Variants in MBP observed in about 807,000 individuals in gnomAD.
The protein encoded by MBP is myelin basic protein.
MBP carries 16 observed loss-of-function variants against 35.8 expected under a neutral mutation model. The ratio of observed to expected loss-of-function variants is 0.45; its 90% CI spans 0.30 to 0.68. MBP has a LOEUF of 0.68. Among genes scored for constraint, MBP ranks in the 30% least tolerant of loss-of-function variants. The pLI, the probability that MBP is intolerant of heterozygous loss-of-function variation, is 0.08. For missense variants in MBP, 380 were observed against 404.7 expected (o/e 0.94, Z 0.52); for synonymous variants, 143 against 159.6 (o/e 0.90, Z 0.78).
At chr18:77,110,063 A>C (rs1049316064) in intron 1 of MBP, 1 of 152,232 alleles carries the variant, frequency 6.6e-6, no homozygotes, top group Non-Finnish European at 1.5e-5. Flanking sequence ...AGATAATTAC[A>C]GGAATAACCC....
intron 4 of MBP, chr18:77,014,502 C>G: frequency 1.0e-6 from 1 of 985,442 alleles, no homozygotes. Context: ...CACACCTCTT[C>G]GGCCTATCCC....
chr18:77,010,045 G>A, intron 4 of MBP: 1 of 699,730 alleles, frequency 1.4e-6, no homozygotes, highest in Admixed American at 2.2e-5. Flanking sequence ...GTGAGGAGGA[G>A]TGAGCGGGGG....
In MBP at chr18:76,979,880, C is replaced by T; in HGVS notation, c.*547G>A. 4.3e-6 allele frequency: 3 copies of T among 690,292 alleles called. No homozygotes were observed. Among genetic ancestry groups the T allele is most frequent in the Non-Finnish European group, 7.9e-6 (3 of 379,826 alleles). 42.8% of individuals were successfully genotyped at this position (690,292 alleles called of 1,614,324 possible). On this transcript the variant is annotated 3_prime_UTR_variant, in exon 9 of 9. Coordinates refer to ENST00000355994, the MANE Select transcript of MBP (RefSeq NM_001025101.2). ...CCCGCATGTCACATACCAAAAGCTC[C>T]CACATGTAGTAAGCCACTCCTTGAC...
chr18:77,024,547 T>C (rs1972121174), intron 3 of MBP, among the ~76,000 whole-genome samples: 1 of 152,274 alleles, frequency 6.6e-6, no homozygotes, highest in South Asian at 2.1e-4. Flanking sequence ...TTTGGATGTG[T>C]TGCTCAGATG....
rs1375969 is a variant in MBP at position 77,131,083 on chromosome 18, G to A, written c.-26+1497C>T. Among the ~76,000 whole-genome samples, 8,444 of 43,232 alleles carry A rather than the reference G, an allele frequency of 0.2. 348 individuals are homozygous for A. Among genetic ancestry groups the A allele is most frequent in the East Asian group, 0.43 (777 of 1,788 alleles). The allele number at this position is 43,232 out of a possible 152,430, so 28.4% of individuals were successfully genotyped here. ...AAAACACACACACGCGCGCACGCAC[G>A]CGCACACACACACACACACACACAC... is the stretch of plus-strand genomic sequence containing the variant. On this transcript the variant is annotated intron_variant, in intron 1 of 8. Coordinates refer to ENST00000355994, the MANE Select transcript of MBP (RefSeq NM_001025101.2). This position sits in a 1 kb window ranked among gnomAD's most constrained non-coding sequence, Gnocchi z 5.5.
intron 4 of MBP, chr18:77,003,271 A>G (rs1383389552): frequency 6.6e-6 from 1 of 152,094 alleles, no homozygotes; most frequent in East Asian, 1.9e-4. Flanking sequence ...CAACCAACCA[A>G]CATATCTCCT....
At chr18:77,018,103 A>C (rs1034684462) in intron 3 of MBP, among the ~76,000 whole-genome samples, 1 of 152,124 alleles carries the variant, frequency 6.6e-6, no homozygotes, top group Admixed American at 6.6e-5. Context: ...TCATCCATCT[A>C]TCTCTCTATC....
intron 4 of MBP, chr18:77,012,914 C>T: frequency 1.0e-6 from 1 of 985,428 alleles, no homozygotes; most frequent in Non-Finnish European, 1.2e-6. Flanking sequence ...AATACATTCC[C>T]ATGATTTACA....
rs1281191402 is a variant in MBP, at chr18:77,091,211, C to A, written c.51+14000G>T. On this transcript the variant is annotated intron_variant, in intron 2 of 8. Coordinates refer to ENST00000355994, the MANE Select transcript of MBP (RefSeq NM_001025101.2). ...TAACAATGATCTACACTGCACTTAT[C>A]CTAAATCACTGTGGATAATTAGTAT... Among the ~76,000 whole-genome samples, 6 of 152,286 alleles carry A rather than the reference C, an allele frequency of 3.9e-5. No individual in the cohort carries two copies. The East Asian group carries it at 1.2e-3, about 29-fold the overall frequency.
chr18:76,989,610 G>C lies in MBP; in HGVS notation c.681+346C>G. The C allele has an allele frequency of 3.4e-6, 1 of 295,240 alleles. No individual in the cohort carries two copies. 18.3% of individuals were successfully genotyped at this position (295,240 alleles called of 1,614,324 possible). A position where few individuals can be genotyped will look rare whatever the true frequency, so the allele number is the denominator to read the frequency against. ...GAAAAATGCCCTAAAAATGCCCTGT[G>C]CTCTCTCTGCTGCCCCCTCCGCTCC... On this transcript the variant is annotated intron_variant, in intron 5 of 8. Transcript: ENST00000355994. This position sits in a 1 kb window ranked among gnomAD's most constrained non-coding sequence, Gnocchi z 4.0.
chr18:77,027,264 G>C (rs557501235), intron 3 of MBP, among the ~76,000 whole-genome samples: 1 of 152,242 alleles, frequency 6.6e-6, no homozygotes, highest in East Asian at 1.9e-4. Context: ...TCAGTAGAAT[G>C]GGAAGAGCCT....
intron 3 of MBP, among the ~76,000 whole-genome samples, chr18:77,041,115 A>G (rs1245485024): frequency 6.6e-6 from 1 of 152,244 alleles, no homozygotes; most frequent in Non-Finnish European, 1.5e-5. Flanking sequence ...AAAATGGGCA[A>G]AGGATATGAA....
intron 3 of MBP, among the ~76,000 whole-genome samples, chr18:77,022,287 G>A (rs1006940311): frequency 4.6e-5 from 7 of 152,170 alleles, no homozygotes; most frequent in Non-Finnish European, 8.8e-5. Flanking sequence ...AAGGGATTGC[G>A]TACGGCTGCC....
At chr18:77,009,812 C>A in intron 4 of MBP, 1 of 1,526,546 alleles carries the variant, frequency 6.6e-7, no homozygotes, top group Non-Finnish European at 8.8e-7. Flanking sequence ...GCAGGTCACC[C>A]CTGGCCCCGA....
chr18:77,107,617 T>A (rs1185371622), intron 1 of MBP, among the ~76,000 whole-genome samples: 2 of 152,182 alleles, frequency 1.3e-5, no homozygotes, highest in African/African-American at 4.8e-5. Flanking sequence ...GTCCACAAGG[T>A]GCTGAACTGC....
chr18:77,133,049 C>A (rs916761946), upstream of MBP, among the ~76,000 whole-genome samples: 2 of 152,100 alleles, frequency 1.3e-5, no homozygotes, highest in African/African-American at 2.4e-5. Context: ...CTCCGAACTG[C>A]GGCCCGTCGA....
intron 3 of MBP, among the ~76,000 whole-genome samples, chr18:77,030,859 C>A (rs989865164): frequency 9.9e-5 from 15 of 152,082 alleles, no homozygotes; most frequent in Non-Finnish European, 2.2e-4. Flanking sequence ...TGTAACTGAC[C>A]CTGTTTCAGA....
At chr18:77,042,675 A>C (rs1973065832) in intron 3 of MBP, among the ~76,000 whole-genome samples, 1 of 152,190 alleles carries the variant, frequency 6.6e-6, no homozygotes, top group African/African-American at 2.4e-5. Flanking sequence ...CTGTCCCTGG[A>C]GGTCGCAGGA....
intron 2 of MBP, among the ~76,000 whole-genome samples, chr18:77,080,003 C>A (rs911569474): frequency 6.6e-6 from 1 of 152,088 alleles, no homozygotes; most frequent in Non-Finnish European, 1.5e-5. Context: ...TGGAAAAAAA[C>A]GCATGTTTTT....
Sources: allele counts gnomAD v4.1 joint callset (sites outside exome capture counted in the v4.1 genomes callset), GRCh38; gene constraint gnomAD v4.1.1; non-coding constraint Gnocchi (gnomAD v3.1); transcripts MANE v1.5; gene names NCBI Gene and HGNC (gene_info 2026-07-23, HGNC 2026-07-21).